Variants in DPP10 observed in about 807,000 individuals in gnomAD.
DPP10 encodes the protein inactive dipeptidyl peptidase 10.
Under a neutral mutation model 120.9 loss-of-function variants are expected in DPP10, and 33 were observed. That is an observed-to-expected ratio of 0.27 (90% CI 0.21 to 0.37). The LOEUF (loss-of-function observed/expected upper bound fraction) is 0.37. DPP10 is among the 10% of genes least tolerant of loss of function. The pLI, the probability that DPP10 is intolerant of heterozygous loss-of-function variation, is 1.00. For synonymous variants in DPP10, 337 were observed against 326.1 expected (o/e 1.03, Z -0.36); for missense variants, 816 against 942.8 (o/e 0.87, Z 1.76).
chr2:115,433,997 G>A (rs1394727926), intron 3 of DPP10, among the ~76,000 whole-genome samples: 1 of 151,854 alleles, frequency 6.6e-6, no homozygotes. Context: ...TCTGTACACT[G>A]TGGATTGCTT....
intron 1 of DPP10, among the ~76,000 whole-genome samples, chr2:115,003,504 C>T (rs969023120): frequency 6.6e-6 from 1 of 151,690 alleles, no homozygotes; most frequent in Non-Finnish European, 1.5e-5. Context: ...AGATGCACCC[C>T]TAAATCTAAA....
intron 1 of DPP10, among the ~76,000 whole-genome samples, chr2:114,751,053 A>G (rs191381458): frequency 7.8e-4 from 119 of 152,358 alleles, no homozygotes; most frequent in African/African-American, 2.7e-3. Context: ...ACAAAGAACA[A>G]TGGAAGATGT....
chr2:114,976,859 T>C (rs920655887), intron 1 of DPP10, among the ~76,000 whole-genome samples: 3 of 152,142 alleles, frequency 2.0e-5, no homozygotes, highest in African/African-American at 7.2e-5. Flanking sequence ...CTATTTTCCA[T>C]TCCATTTGTT....
chr2:115,646,307 A>G (rs888841675), intron 5 of DPP10, among the ~76,000 whole-genome samples: 3 of 152,106 alleles, frequency 2.0e-5, no homozygotes, highest in Non-Finnish European at 4.4e-5. Flanking sequence ...AGCATGTTCT[A>G]CCTAGAGCTT....
chr2:115,193,972 T>G (rs1265240034), intron 1 of DPP10, among the ~76,000 whole-genome samples: 1 of 152,186 alleles, frequency 6.6e-6, no homozygotes, highest in East Asian at 1.9e-4. Context: ...TTAGGAAACC[T>G]GCTGGGTTAA....
intron 1 of DPP10, among the ~76,000 whole-genome samples, chr2:114,919,922 A>G (rs1034372196): frequency 1.3e-5 from 2 of 152,310 alleles, no homozygotes; most frequent in South Asian, 4.1e-4. Context: ...GCCTTTTCAT[A>G]TAGCTAGCAT....
intron 1 of DPP10, among the ~76,000 whole-genome samples, chr2:114,719,522 T>C (rs1451831743): frequency 6.6e-6 from 1 of 152,156 alleles, no homozygotes; most frequent in African/African-American, 2.4e-5. Flanking sequence ...AGATGCTTGA[T>C]CCACAGACAG....
chr2:115,498,939 G>A (rs1200551176), intron 3 of DPP10, among the ~76,000 whole-genome samples: 1 of 151,906 alleles, frequency 6.6e-6, no homozygotes, highest in Non-Finnish European at 1.5e-5. Context: ...TGATATAGTA[G>A]TAGCCTCAGA....
intron 1 of DPP10, among the ~76,000 whole-genome samples, chr2:115,109,865 C>T (rs1021765403): frequency 1.2e-4 from 18 of 152,152 alleles, no homozygotes; most frequent in African/African-American, 4.1e-4. Context: ...AAGAATTATT[C>T]ACCCTAAACT....
At chr2:115,005,942 A>G (rs1281573841) in intron 1 of DPP10, among the ~76,000 whole-genome samples, 1 of 152,156 alleles carries the variant, frequency 6.6e-6, no homozygotes, top group South Asian at 2.1e-4. Context: ...GAAATGAAGG[A>G]AAAAATGTTA....
At chr2:114,738,774 A>G (rs1221657593) in intron 1 of DPP10, among the ~76,000 whole-genome samples, 2 of 152,198 alleles carry the variant, frequency 1.3e-5, no homozygotes, top group Non-Finnish European at 2.9e-5. Flanking sequence ...TCTGCCCAAG[A>G]GCCATATACT....
chr2:115,606,947 A>G (rs1466151524), intron 5 of DPP10, among the ~76,000 whole-genome samples: 1 of 152,216 alleles, frequency 6.6e-6, no homozygotes, highest in Admixed American at 6.5e-5. Context: ...CTTGATGAGA[A>G]GCAGTCAAAT....
chr2:115,309,524 A>G (rs1240126036), intron 2 of DPP10, among the ~76,000 whole-genome samples, 171 bp downstream of exon 2: 1 of 152,160 alleles, frequency 6.6e-6, no homozygotes, highest in African/African-American at 2.4e-5. Flanking sequence ...GTAATTCTGC[A>G]GTTCAAATAT....
chr2:114,815,720 C>G (rs1256385524), intron 1 of DPP10, among the ~76,000 whole-genome samples: 1 of 152,100 alleles, frequency 6.6e-6, no homozygotes, highest in Non-Finnish European at 1.5e-5. Context: ...ACTGCTTTAT[C>G]TGAGAGCAAT....
chr2:115,065,941 T>G (rs2105420376), intron 1 of DPP10, among the ~76,000 whole-genome samples: 1 of 152,338 alleles, frequency 6.6e-6, no homozygotes. Flanking sequence ...TGTGTTAATC[T>G]CAGCATTTGC....
intron 1 of DPP10, among the ~76,000 whole-genome samples, chr2:115,149,957 G>A (rs2051443433): frequency 6.6e-6 from 1 of 152,182 alleles, no homozygotes; most frequent in East Asian, 1.9e-4. Context: ...AGGTGCAAGT[G>A]GATGTGCAAG....
At chr2:114,951,138 T>C (rs1253888376) in intron 1 of DPP10, among the ~76,000 whole-genome samples, 1 of 152,174 alleles carries the variant, frequency 6.6e-6, no homozygotes, top group Non-Finnish European at 1.5e-5. Flanking sequence ...AGAGTATGTA[T>C]TAGAAAGCGT....
At chr2:114,651,514 A>AAT (rs1558968470) in intron 1 of DPP10, among the ~76,000 whole-genome samples, 1 of 152,096 alleles carries the variant, frequency 6.6e-6, no homozygotes, top group African/African-American at 2.4e-5. Flanking sequence ...GGAGCCCAAG[A>AAT]ATTTGCATTT....
intron 1 of DPP10, among the ~76,000 whole-genome samples, chr2:114,517,806 C>G (rs1684724005): frequency 6.6e-6 from 1 of 152,154 alleles, no homozygotes; most frequent in Non-Finnish European, 1.5e-5. Context: ...GAGGTGAACA[C>G]CCAGCTGCAG....
Sources: gnomAD v4.1 joint callset for allele counts (sites outside exome capture counted in the v4.1 genomes callset) on GRCh38, gnomAD v4.1.1 for gene constraint, MANE v1.5 for transcripts, NCBI Gene and HGNC (gene_info 2026-07-23, HGNC 2026-07-21) for gene names.